Variants in MBP observed in about 807,000 individuals in gnomAD.
MBP encodes the protein myelin basic protein, also known as Golli-MBP.
In MBP, 16 loss-of-function variants were observed where a neutral mutation model predicts 35.8. That is an observed-to-expected ratio of 0.45 (90% CI 0.30 to 0.68). MBP has a LOEUF of 0.68. MBP is among the 30% of genes least tolerant of loss of function. MBP has a pLI of 0.08. For synonymous variants in MBP, 143 were observed against 159.6 expected (o/e 0.90, Z 0.78); for missense variants, 380 against 404.7 (o/e 0.94, Z 0.52).
At chr18:77,012,072 A>C (rs573688720) in intron 4 of MBP, among the ~76,000 whole-genome samples, 1 of 152,368 alleles carries the variant, frequency 6.6e-6, no homozygotes, top group South Asian at 2.1e-4. Context: ...AAGGGAGGAG[A>C]TGAGTTAAGA....
intron 4 of MBP, chr18:77,016,084 A>C: frequency 5.1e-6 from 5 of 985,400 alleles, no homozygotes; most frequent in Non-Finnish European, 6.0e-6. Flanking sequence ...TTGATGAACC[A>C]GCAGCCACAG....
At chr18:77,130,979 G>T (rs1599297566) in intron 1 of MBP, among the ~76,000 whole-genome samples, 1 of 147,768 alleles carries the variant, frequency 6.8e-6, no homozygotes, top group Admixed American at 6.8e-5. Context: ...AGCATTTACA[G>T]CAATTTTTAA....
intron 3 of MBP, among the ~76,000 whole-genome samples, chr18:77,060,448 C>CTTTTTT (rs74182682): frequency 8.2e-5 from 8 of 97,586 alleles, no homozygotes; most frequent in Middle Eastern, 5.3e-3. Flanking sequence ...TCTCTCTCTC[C>CTTTTTT]TTTTTTTTTT....
At chr18:77,109,644 A>T (rs1240974249) in intron 1 of MBP, 1 of 152,222 alleles carries the variant, frequency 6.6e-6, no homozygotes, top group Non-Finnish European at 1.5e-5. Flanking sequence ...TGGTTACCCA[A>T]ATCATCTTAC....
At chr18:77,073,479 C>T (rs72990928) in intron 2 of MBP, among the ~76,000 whole-genome samples, 2 of 152,214 alleles carry the variant, frequency 1.3e-5, no homozygotes. Flanking sequence ...AGGAGCCATG[C>T]GAATGGGCCC....
intron 2 of MBP, 109 bp downstream of exon 2, chr18:77,105,102 G>A: frequency 1.2e-6 from 1 of 805,146 alleles, no homozygotes; most frequent in Non-Finnish European, 2.1e-6. Context: ...CAGCTGTCAG[G>A]GAAGAGTGTA....
chr18:77,027,815 G>A (rs1399345346), intron 3 of MBP, among the ~76,000 whole-genome samples: 1 of 152,126 alleles, frequency 6.6e-6, no homozygotes, highest in Non-Finnish European at 1.5e-5. Flanking sequence ...AGCCTCCTGA[G>A]GAGCTGTGAC....
rs1170781984 is a variant in MBP, at chr18:77,018,957, T to C, written c.140-1689A>G. ...TTACCTACCTGTTCATCCATCCATC[T>C]ATCCATTCATCCATCCATCCATCCA... On this transcript the variant is annotated intron_variant, in intron 3 of 8. Transcript: ENST00000355994. 1.3e-3 allele frequency among the ~76,000 whole-genome samples: 82 copies of C among 61,172 alleles called. 1 individual carries two copies. Among genetic ancestry groups the C allele is most frequent in the African/African-American group, 4.8e-3 (72 of 15,008 alleles). 40.1% of individuals were successfully genotyped at this position (61,172 alleles called of 152,430 possible). A position where few individuals can be genotyped will look rare whatever the true frequency, so the allele number is the denominator to read the frequency against.
Position 77,066,293 on chromosome 18 carries a change from C to A in MBP, c.139+5G>T, listed in dbSNP as rs1327882906. The stretch of plus-strand genomic sequence containing the variant: ...CGCCATGTTGCCGATATCTGCGTCA[C>A]CTACCGAACACTTCGTTGTCCTCTG... On this transcript the variant is annotated splice_donor_5th_base_variant and intron_variant, in intron 3 of 8. Transcript: ENST00000355994. 5.0e-6 allele frequency: 8 copies of A among 1,611,932 alleles called. No individual in the cohort carries two copies. Among genetic ancestry groups the A allele is most frequent in the Non-Finnish European group, 6.8e-6 (8 of 1,178,694 alleles).
At chr18:77,104,084 A>G (rs1376547495) in intron 2 of MBP, among the ~76,000 whole-genome samples, 1 of 152,362 alleles carries the variant, frequency 6.6e-6, no homozygotes, top group East Asian at 1.9e-4. Context: ...AAGTCCAGTG[A>G]CAGTGAGACT....
intron 3 of MBP, among the ~76,000 whole-genome samples, chr18:77,037,107 C>T (rs3017501): frequency 4.9e-5 from 7 of 143,034 alleles, no homozygotes; most frequent in Non-Finnish European, 7.5e-5. Flanking sequence ...CAGAGCTGAG[C>T]AAGTGCTGGT....
At chr18:76,982,978 G>A (rs1469985379) in intron 8 of MBP, 1 of 152,228 alleles carries the variant, frequency 6.6e-6, no homozygotes, top group Non-Finnish European at 1.5e-5. Flanking sequence ...CATGTGTATA[G>A]TACACTGGTT....
intron 2 of MBP, among the ~76,000 whole-genome samples, chr18:77,091,561 G>A (rs890527432): frequency 5.9e-5 from 9 of 151,562 alleles, no homozygotes; most frequent in Non-Finnish European, 8.8e-5. Context: ...CACTCGCCAC[G>A]GATGACGTCT....
At chr18:77,082,399 C>T (rs1974987478) in intron 2 of MBP, among the ~76,000 whole-genome samples, 1 of 152,176 alleles carries the variant, frequency 6.6e-6, no homozygotes, top group African/African-American at 2.4e-5. Context: ...CCAGAACAGG[C>T]ACATTATAGA....
intron 4 of MBP, chr18:77,014,653 T>G: frequency 3.0e-6 from 3 of 985,502 alleles, no homozygotes; most frequent in Non-Finnish European, 3.6e-6. Context: ...ATTGCGGGTC[T>G]GTAGCTGGGT....
intron 4 of MBP, chr18:77,015,869 A>G: frequency 1.0e-6 from 1 of 985,442 alleles, no homozygotes; most frequent in Non-Finnish European, 1.2e-6. Flanking sequence ...TTACGCTCCC[A>G]CAAGGCCTTC....
intron 2 of MBP, among the ~76,000 whole-genome samples, chr18:77,084,431 C>CACACACACACACACACACACACACACA (rs60600826): frequency 5.7e-5 from 6 of 105,966 alleles, no homozygotes; most frequent in Admixed American, 4.8e-4. Context: ...CCACACCACA[C>CACACACACACACACACACACACACACA]CACACACACA....
At chr18:77,078,317 G>A (rs977323106) in intron 2 of MBP, among the ~76,000 whole-genome samples, 1 of 152,130 alleles carries the variant, frequency 6.6e-6, no homozygotes, top group African/African-American at 2.4e-5. Context: ...CAACCGCCAC[G>A]TTCCCTCCCT....
intron 2 of MBP, among the ~76,000 whole-genome samples, chr18:77,092,240 G>A (rs973170929): frequency 9.5e-4 from 145 of 152,360 alleles, no homozygotes; most frequent in African/African-American, 3.4e-3. Flanking sequence ...CGCGGCCAGC[G>A]CTGAGCAGAC....
Sources: allele counts gnomAD v4.1 joint callset (sites outside exome capture counted in the v4.1 genomes callset), GRCh38; gene constraint gnomAD v4.1.1; transcripts MANE v1.5; gene names NCBI Gene and HGNC (gene_info 2026-07-23, HGNC 2026-07-21).